Variants in PTPRT observed in about 807,000 individuals in gnomAD.
The protein encoded by PTPRT is protein tyrosine phosphatase receptor type T.
Under a neutral mutation model 176.8 loss-of-function variants are expected in PTPRT, and 56 were observed. The ratio of observed to expected loss-of-function variants is 0.32; its 90% CI spans 0.26 to 0.40. PTPRT has a LOEUF of 0.40. Among genes scored for constraint, PTPRT ranks in the 10% least tolerant of loss-of-function variants. PTPRT has a pLI of 1.00. For missense variants in PTPRT, 1,540 were observed against 1,908.2 expected, an observed-to-expected ratio of 0.81 and a Z score of 3.60; for synonymous variants, 783 against 739.0, an observed-to-expected ratio of 1.06 and a Z score of -0.96.
At chr20:42,133,691 T>C (rs533796711) in intron 18 of PTPRT, among the ~76,000 whole-genome samples, 2 of 152,356 alleles carry the variant, frequency 1.3e-5, no homozygotes, top group East Asian at 3.9e-4. Flanking sequence ...CTATGGACTT[T>C]AGCTAATAAT....
At chr20:42,500,250 C>T (rs2071728340) in intron 7 of PTPRT, among the ~76,000 whole-genome samples, 1 of 151,980 alleles carries the variant, frequency 6.6e-6, no homozygotes, top group South Asian at 2.1e-4. Flanking sequence ...ACAAACTTCA[C>T]CCTTGTATAA....
At chr20:42,203,009 C>G (rs1176558876) in intron 15 of PTPRT, among the ~76,000 whole-genome samples, 2 of 152,088 alleles carry the variant, frequency 1.3e-5, no homozygotes, top group South Asian at 4.1e-4. Context: ...GGAAAGCTAA[C>G]TGAATTGTAA....
intron 1 of PTPRT, among the ~76,000 whole-genome samples, chr20:42,976,981 T>C (rs544800803): frequency 6.6e-6 from 1 of 152,308 alleles, no homozygotes; most frequent in African/African-American, 2.4e-5. Context: ...ATGTATGACA[T>C]AATCTGAATA....
intron 7 of PTPRT, among the ~76,000 whole-genome samples, chr20:42,674,953 TC>T (rs1295637201): frequency 6.6e-6 from 1 of 150,612 alleles, no homozygotes; most frequent in African/African-American, 2.5e-5. Context: ...CAACACGAAT[TC>T]TGCATTTGCT....
At chr20:42,538,066 TTAAG>T (rs1469063185) in intron 7 of PTPRT, among the ~76,000 whole-genome samples, 1 of 152,096 alleles carries the variant, frequency 6.6e-6, no homozygotes, top group Non-Finnish European at 1.5e-5. Flanking sequence ...AATATCCCTA[TTAAG>T]TAAGTTCTAT....
chr20:43,006,689 C>A (rs6065564), intron 1 of PTPRT, among the ~76,000 whole-genome samples: 34,588 of 152,138 alleles, frequency 0.23, 4,203 homozygotes, highest in African/African-American at 0.31. Flanking sequence ...TAAGTGAAAT[C>A]ATCTGTTTAC....
intron 2 of PTPRT, among the ~76,000 whole-genome samples, chr20:42,860,945 G>A (rs558772218): frequency 4.6e-5 from 7 of 152,268 alleles, no homozygotes; most frequent in South Asian, 4.1e-4. Context: ...GACAGGCTCC[G>A]TCACATTAAG....
At chr20:42,130,288 T>G (rs559304534) in intron 18 of PTPRT, among the ~76,000 whole-genome samples, 3 of 152,250 alleles carry the variant, frequency 2.0e-5, no homozygotes, top group African/African-American at 7.2e-5. Context: ...TGCCTGCCCT[T>G]GGGCTGAAGG....
At chr20:42,099,709 G>A (rs1047885956) in intron 26 of PTPRT, among the ~76,000 whole-genome samples, 2 of 152,130 alleles carry the variant, frequency 1.3e-5, no homozygotes, top group African/African-American at 4.8e-5. Flanking sequence ...GGTTTCTGTG[G>A]GAGTTACAGC....
intron 1 of PTPRT, among the ~76,000 whole-genome samples, chr20:43,033,164 C>A (rs957382478): frequency 3.9e-5 from 6 of 152,196 alleles, no homozygotes; most frequent in African/African-American, 1.4e-4. Context: ...CTGCCCATTT[C>A]TCTTGGATCC....
At chr20:42,679,616 C>A (rs2075567791) in intron 6 of PTPRT, among the ~76,000 whole-genome samples, 1 of 152,150 alleles carries the variant, frequency 6.6e-6, no homozygotes, top group South Asian at 2.1e-4. Flanking sequence ...TCTTCCATGT[C>A]CATTCCAATA....
intron 7 of PTPRT, among the ~76,000 whole-genome samples, chr20:42,654,714 G>A (rs761525000): frequency 2.0e-5 from 3 of 152,168 alleles, no homozygotes; most frequent in Non-Finnish European, 2.9e-5. Flanking sequence ...ACTGAGATGG[G>A]TACAGTTATT....
rs1412207708 is a variant in PTPRT, at chr20:42,771,543, T to C, written c.576A>G (p.Ala192=). The C allele has an allele frequency of 6.2e-7, 1 of 1,613,702 alleles. No individual in the cohort carries two copies. Residue 192 remains alanine (A), a synonymous_variant, in exon 5 of 31, where the codon GCA becomes GCG. Coordinates refer to ENST00000373187, the MANE Select transcript of PTPRT (RefSeq NM_007050.6). ...CGTTTTGGAGTCGCAGAAAATGAGG[T>C]GCTTTTCCTAAGAGAGAAACCAAAG... ...VRVLAHPCRK[A]PHFLRLQNVE...
intron 1 of PTPRT, among the ~76,000 whole-genome samples, chr20:43,157,893 C>T (rs566844257): frequency 6.6e-6 from 1 of 152,194 alleles, no homozygotes; most frequent in South Asian, 2.1e-4. Context: ...AGTCATGGGC[C>T]CTTCCAAGTT....
chr20:42,357,183 T>C (rs1012520862), intron 9 of PTPRT, among the ~76,000 whole-genome samples: 2 of 152,126 alleles, frequency 1.3e-5, no homozygotes, highest in Non-Finnish European at 2.9e-5. Context: ...CATCTGTTTT[T>C]GTAAGTAAAG....
At chr20:42,591,929 T>C (rs1310946568) in intron 7 of PTPRT, among the ~76,000 whole-genome samples, 1 of 151,656 alleles carries the variant, frequency 6.6e-6, no homozygotes, top group African/African-American at 2.4e-5. Flanking sequence ...TCTTAGTCTC[T>C]GTGGCCACCA....
intron 16 of PTPRT, among the ~76,000 whole-genome samples, chr20:42,189,873 T>C (rs1214204848): frequency 6.6e-6 from 1 of 152,234 alleles, no homozygotes; most frequent in Non-Finnish European, 1.5e-5. Context: ...ATTATATCTT[T>C]TTTGAGTCTA....
intron 16 of PTPRT, among the ~76,000 whole-genome samples, chr20:42,165,008 C>A (rs1989766466): frequency 6.6e-6 from 1 of 152,098 alleles, no homozygotes; most frequent in African/African-American, 2.4e-5. Context: ...CTGTGAATTC[C>A]CCTGCAGTAA....
intron 9 of PTPRT, among the ~76,000 whole-genome samples, chr20:42,394,068 A>G (rs1191400482): frequency 6.7e-6 from 1 of 148,188 alleles, no homozygotes; most frequent in Non-Finnish European, 1.5e-5. Context: ...TAATTTTACT[A>G]CTTGATGGAT....
Sources: allele counts gnomAD v4.1 joint callset (sites outside exome capture counted in the v4.1 genomes callset), GRCh38; gene constraint gnomAD v4.1.1; transcripts MANE v1.5; gene names NCBI Gene and HGNC (gene_info 2026-07-23, HGNC 2026-07-21).